SPAG17: variants seen among roughly 807,000 people sequenced by gnomAD.
SPAG17 encodes sperm-associated antigen 17.
In SPAG17, 169 loss-of-function variants were observed where a neutral mutation model predicts 273.6. The ratio of observed to expected loss-of-function variants is 0.62; its 90% CI spans 0.55 to 0.70. The LOEUF (loss-of-function observed/expected upper bound fraction) is 0.70, where lower values mean the gene tolerates loss of function less well. Ranked by LOEUF, SPAG17 falls within the 30% of genes least tolerant of loss-of-function variation. SPAG17 has a pLI of 0.00. For synonymous variants in SPAG17, 825 were observed against 873.2 expected, an observed-to-expected ratio of 0.94 and a Z score of 0.97; for missense variants, 2,557 against 2,627.8, an observed-to-expected ratio of 0.97 and a Z score of 0.59.
At chr1:118,138,519 C>T (rs1185597639) in intron 3 of SPAG17, among the ~76,000 whole-genome samples, 1 of 151,272 alleles carries the variant, frequency 6.6e-6, no homozygotes, top group Non-Finnish European at 1.5e-5. Context: ...ATTTACATCA[C>T]AAACCACACA....
Position 117,991,499 on chromosome 1 carries a change from T to C in SPAG17, c.5391A>G (p.Glu1797=). The change falls in exon 37 of 49, where the codon GAA becomes GAG. Residue 1797 remains glutamate, a synonymous_variant. Coordinates refer to ENST00000336338, the MANE Select transcript of SPAG17 (RefSeq NM_206996.4). ...TAACCATCATTTCCTGCAGCTCATC[T>C]TCTTTCTTTAGAATATAGTTTATGT... ...KDYINYILKK[E]DELQEMMVKD... is the part of the protein sequence containing the mutation. 1.2e-6 allele frequency: 2 copies of C among 1,611,362 alleles called. No individual in the cohort carries two copies. The highest frequency in any genetic ancestry group is 1.7e-6 in the Non-Finnish European group (2 of 1,177,912).
intron 48 of SPAG17, chr1:117,960,830 A>G (rs1216505646): frequency 1.3e-5 from 2 of 152,248 alleles, no homozygotes; most frequent in African/African-American, 4.8e-5. Flanking sequence ...GTTAATGTTG[A>G]TAATAGATTT....
At chr1:117,986,720 T>C (rs1264571570) in intron 40 of SPAG17, among the ~76,000 whole-genome samples, 6 of 152,184 alleles carry the variant, frequency 3.9e-5, no homozygotes, top group African/African-American at 1.2e-4. Flanking sequence ...TTTAGGGATA[T>C]TCTGAAAATA....
chr1:118,039,126 A>G (rs1649429759), intron 23 of SPAG17, among the ~76,000 whole-genome samples, 166 bp downstream of exon 23: 1 of 152,184 alleles, frequency 6.6e-6, no homozygotes, highest in African/African-American at 2.4e-5. Context: ...AATATCCATT[A>G]GGGTTCAGTT....
chr1:118,124,676 C>T (rs187835025), intron 3 of SPAG17, among the ~76,000 whole-genome samples: 13 of 152,290 alleles, frequency 8.5e-5, no homozygotes, highest in Non-Finnish European at 5.9e-5. Context: ...CCGTTCCAGG[C>T]ACTTCACATA....
In SPAG17 at chr1:117,996,189, G is replaced by T. The variant is rs150361929; in HGVS notation, c.5053+181C>A. 7.7e-3 allele frequency among the ~76,000 whole-genome samples: 1,178 copies of T among 152,106 alleles called. 5 individuals carry two copies. The highest frequency in any genetic ancestry group is 0.013 in the Non-Finnish European group (876 of 67,978). ...CTTGATATACACATAAATTCAAGTAGCTATATAAATAAGTTGACATGACTT... is the reference window on the plus strand; with the variant it reads ...CTTGATATACACATAAATTCAAGTATCTATATAAATAAGTTGACATGACTT... On this transcript the variant is annotated intron_variant, in intron 34 of 48. Coordinates refer to ENST00000336338, the MANE Select transcript of SPAG17 (RefSeq NM_206996.4).
intron 28 of SPAG17, among the ~76,000 whole-genome samples, chr1:118,021,741 G>A (rs781176376): frequency 6.6e-6 from 1 of 152,076 alleles, no homozygotes; most frequent in Non-Finnish European, 1.5e-5. Context: ...ATCTTGGATG[G>A]AAGGGCTGTG....
Position 117,991,542 on chromosome 1 carries a change from A to T in SPAG17, c.5362-14T>A. 1 of 1,477,452 alleles carries T rather than the reference A, an allele frequency of 6.8e-7. No individual in the cohort carries two copies. The highest frequency in any genetic ancestry group is 9.4e-7 in the Non-Finnish European group (1 of 1,066,508). 91.5% of individuals were successfully genotyped at this position (1,477,452 alleles called of 1,614,324 possible). A position where few individuals can be genotyped will look rare whatever the true frequency, so the allele number is the denominator to read the frequency against. ...GTTTATGTAATCCTAAATCAGCAGA[A>T]TAAAATACATAGACAAAAACTAGGA... On this transcript the variant is annotated splice_polypyrimidine_tract_variant and intron_variant, in intron 36 of 48. Transcript: ENST00000336338.
chr1:118,057,874 C>A (rs1272824453), intron 18 of SPAG17, among the ~76,000 whole-genome samples: 2 of 151,076 alleles, frequency 1.3e-5, no homozygotes. Context: ...TATTAATACT[C>A]ATTAACTCCA....
intron 18 of SPAG17, among the ~76,000 whole-genome samples, chr1:118,058,596 C>T (rs1333178293): frequency 6.6e-6 from 1 of 152,166 alleles, no homozygotes; most frequent in African/African-American, 2.4e-5. Context: ...AGCCAGAAGC[C>T]TAGGTCTTTG....
intron 48 of SPAG17, chr1:117,961,642 T>G (rs6685906): frequency 0.49 from 74,839 of 152,016 alleles, 18,634 homozygotes; most frequent in South Asian, 0.63. Flanking sequence ...TAGGCTCAGA[T>G]ATGCAGTCCT....
At chr1:118,125,624 T>C (rs1341589653) in intron 3 of SPAG17, among the ~76,000 whole-genome samples, 10 of 152,350 alleles carry the variant, frequency 6.6e-5, no homozygotes, top group African/African-American at 2.4e-4. Flanking sequence ...GAACATGTGG[T>C]ATTTATCTGT....
chr1:117,986,349 A>G (rs1656403228), intron 40 of SPAG17, among the ~76,000 whole-genome samples: 1 of 151,872 alleles, frequency 6.6e-6, no homozygotes, highest in Admixed American at 6.6e-5. Flanking sequence ...TTTCATTCCC[A>G]TTTCTGATTT....
chr1:118,147,828 T>C (rs912326908), intron 3 of SPAG17, among the ~76,000 whole-genome samples: 9 of 152,212 alleles, frequency 5.9e-5, no homozygotes, highest in Non-Finnish European at 8.8e-5. Context: ...AAATATGCAA[T>C]GTGGCTCTGA....
chr1:117,956,559 T>A (rs1031102409), intron 48 of SPAG17, among the ~76,000 whole-genome samples: 3 of 152,162 alleles, frequency 2.0e-5, no homozygotes, highest in Non-Finnish European at 4.4e-5. Flanking sequence ...AATTAATAGG[T>A]TTGTAATCCC....
chr1:118,150,846 G>A (rs900457365), intron 2 of SPAG17, among the ~76,000 whole-genome samples: 12 of 152,112 alleles, frequency 7.9e-5, no homozygotes, highest in African/African-American at 2.2e-4. Context: ...TATTATTGCT[G>A]TCCTCTGACC....
At chr1:118,004,686 A>G (rs914587514) in intron 32 of SPAG17, among the ~76,000 whole-genome samples, 1 of 152,236 alleles carries the variant, frequency 6.6e-6, no homozygotes, top group African/African-American at 2.4e-5. Flanking sequence ...GTATTTGGGC[A>G]GGAATGTCCT....
chr1:117,987,698 G>A (rs992607848), intron 40 of SPAG17, 136 bp downstream of exon 40: 1 of 818,100 alleles, frequency 1.2e-6, no homozygotes, highest in Non-Finnish European at 2.0e-6. Flanking sequence ...AGAGCTGAAT[G>A]ACCACTTGGT....
At position 118,018,522 on chromosome 1, in the gene SPAG17, C is replaced by T. The variant is rs528239791; in HGVS notation, c.4070-2340G>A. On this transcript the variant is annotated intron_variant, in intron 28 of 48. Transcript: ENST00000336338. Reference sequence around the variant, plus strand: ...CAACTGCTAAAGTCCTTTCTGAAGCCAAAGTCCTTTATAAAGAAATGCACT... The same window carrying T: ...CAACTGCTAAAGTCCTTTCTGAAGCTAAAGTCCTTTATAAAGAAATGCACT... 7.2e-5 allele frequency among the ~76,000 whole-genome samples: 11 copies of T among 152,034 alleles called. No homozygotes were observed. The East Asian group carries it at 1.9e-3, about 27-fold the overall frequency.
Sources: allele counts gnomAD v4.1 joint callset (sites outside exome capture counted in the v4.1 genomes callset), GRCh38; gene constraint gnomAD v4.1.1; transcripts MANE v1.5; gene names NCBI Gene and HGNC (gene_info 2026-07-23, HGNC 2026-07-21).